TAF4B: variants seen among roughly 807,000 people sequenced by gnomAD.
TAF4B encodes the protein transcription initiation factor TFIID subunit 4B.
In TAF4B, 38 loss-of-function variants were observed where a neutral mutation model predicts 86.4. The observed-to-expected ratio is 0.44, with a 90% CI of 0.34 to 0.58. The LOEUF is 0.58. TAF4B is among the 20% of genes least tolerant of loss of function. The pLI is 0.02. For missense variants in TAF4B, 988 were observed against 1,027.6 expected, an observed-to-expected ratio of 0.96 and a Z score of 0.53; for synonymous variants, 388 against 391.2, an observed-to-expected ratio of 0.99 and a Z score of 0.10.
At position 26,285,979 on chromosome 18, in the gene TAF4B, G is replaced by T; in HGVS notation, c.1070G>T (p.Cys357Phe). 6.2e-7 allele frequency: 1 copy of T among 1,614,214 alleles called. No homozygotes were observed. The highest frequency in any genetic ancestry group is 1.3e-5 in the African/African-American group (1 of 75,054). The change falls in exon 7 of 15, where the codon TGT becomes TTT. Residue 357 changes from cysteine to phenylalanine, a missense_variant. By Grantham distance (205) the Cys-to-Phe change is radical. Coordinates refer to ENST00000269142, the MANE Select transcript of TAF4B (RefSeq NM_005640.3). ...QTSSDMVIAT[C>F]TTTVTTSPVV... ...TCTAGTGACATGGTCATTGCTACCT[G>T]TACTACAACAGTAACAACTTCTCCT...
chr18:26,326,625 CTTATA>C (rs2057007077), intron 11 of TAF4B, among the ~76,000 whole-genome samples: 1 of 152,104 alleles, frequency 6.6e-6, no homozygotes, highest in South Asian at 2.1e-4. Flanking sequence ...GATTTAATTA[CTTATA>C]TTAATGTCTG....
chr18:26,370,145 AAAAGG>A (rs569257304), intron 14 of TAF4B, among the ~76,000 whole-genome samples: 72 of 151,886 alleles, frequency 4.7e-4, no homozygotes, highest in African/African-American at 1.7e-3. Context: ...AGAACTTAAG[AAAAGG>A]GCTGTAAATT....
At chr18:26,325,989 A>AG (rs1340591065) in intron 11 of TAF4B, among the ~76,000 whole-genome samples, 3 of 152,228 alleles carry the variant, frequency 2.0e-5, no homozygotes, top group Non-Finnish European at 4.4e-5. Context: ...AACCATAAGC[A>AG]GGGGGATAAA....
chr18:26,374,435 A>G (rs372890747), intron 14 of TAF4B, among the ~76,000 whole-genome samples: 29 of 152,258 alleles, frequency 1.9e-4, no homozygotes, highest in Middle Eastern at 3.4e-3. Context: ...TTATTCCATA[A>G]TGTTGTACCT....
At chr18:26,382,939 A>G in intron 14 of TAF4B, among the ~76,000 whole-genome samples, 1 of 152,202 alleles carries the variant, frequency 6.6e-6, no homozygotes, top group East Asian at 1.9e-4. Flanking sequence ...GGCACTGGGG[A>G]CACTTGATAT....
chr18:26,257,322 CCTT>C (rs2056099115), intron 1 of TAF4B, among the ~76,000 whole-genome samples: 1 of 151,916 alleles, frequency 6.6e-6, no homozygotes, highest in Admixed American at 6.6e-5. Context: ...TACAAAATGC[CCTT>C]CTTTATCTCT....
intron 14 of TAF4B, among the ~76,000 whole-genome samples, chr18:26,361,192 G>A (rs925762491): frequency 5.3e-5 from 8 of 151,650 alleles, no homozygotes; most frequent in African/African-American, 1.9e-4. Flanking sequence ...TTCTATACCC[G>A]GTAAACAATT....
chr18:26,244,226 C>A (rs1281924142), intron 1 of TAF4B, among the ~76,000 whole-genome samples: 1 of 152,198 alleles, frequency 6.6e-6, no homozygotes, highest in African/African-American at 2.4e-5. Context: ...GGGCTCCACC[C>A]AGTTCAAGCT....
intron 3 of TAF4B, among the ~76,000 whole-genome samples, chr18:26,271,595 G>A (rs573193319): frequency 3.3e-5 from 5 of 152,260 alleles, no homozygotes; most frequent in African/African-American, 1.2e-4. Flanking sequence ...CCATTGGCTG[G>A]TCTGTTGAGT....
intron 5 of TAF4B, among the ~76,000 whole-genome samples, chr18:26,276,015 CAA>C (rs374826135): frequency 1.1e-4 from 8 of 75,918 alleles, no homozygotes; most frequent in Non-Finnish European, 1.9e-4. Context: ...GACTCTGTCT[CAA>C]AAAAAAAAAA....
intron 11 of TAF4B, among the ~76,000 whole-genome samples, chr18:26,323,057 G>A (rs2056975587): frequency 6.6e-6 from 1 of 151,980 alleles, no homozygotes; most frequent in African/African-American, 2.4e-5. Context: ...TCCTTTTGTT[G>A]TTGGTTTCTA....
intron 1 of TAF4B, among the ~76,000 whole-genome samples, chr18:26,250,924 G>A (rs1415682617): frequency 1.3e-5 from 2 of 152,086 alleles, no homozygotes; most frequent in Admixed American, 6.6e-5. Flanking sequence ...AGCACGACCT[G>A]GGATATAAAC....
chr18:26,247,206 G>A (rs1422496876), intron 1 of TAF4B, among the ~76,000 whole-genome samples: 3 of 152,102 alleles, frequency 2.0e-5, no homozygotes, highest in Non-Finnish European at 2.9e-5. Context: ...TCTAAAATAC[G>A]GTTAATACCT....
At chr18:26,247,410 A>T (rs1568102420) in intron 1 of TAF4B, among the ~76,000 whole-genome samples, 1 of 152,198 alleles carries the variant, frequency 6.6e-6, no homozygotes, top group Non-Finnish European at 1.5e-5. Flanking sequence ...GGACCCTCCA[A>T]ATTCTCAGCC....
intron 14 of TAF4B, among the ~76,000 whole-genome samples, chr18:26,363,323 G>A (rs1311691058): frequency 7.9e-6 from 1 of 126,242 alleles, no homozygotes; most frequent in African/African-American, 3.1e-5. Context: ...TGTAATCCCA[G>A]CATTTTGAGA....
At chr18:26,363,419 G>C (rs1025111555) in intron 14 of TAF4B, among the ~76,000 whole-genome samples, 4 of 144,730 alleles carry the variant, frequency 2.8e-5, no homozygotes, top group South Asian at 2.2e-4. Context: ...GGTGGTGTGC[G>C]CCTGTAGTTC....
Position 26,226,551 on chromosome 18 carries a change from G to A in TAF4B, c.-383G>A, listed in dbSNP as rs1281252169. On this transcript the variant is annotated 5_prime_UTR_variant, in exon 1 of 15. Coordinates refer to ENST00000269142, the MANE Select transcript of TAF4B (RefSeq NM_005640.3). Reference sequence around the variant, plus strand: ...CGTAGTTTTGAAATTTCTGGCGGGGGAGCAGCTGCGCAGTTAGGCTCGAGG... The same window carrying A: ...CGTAGTTTTGAAATTTCTGGCGGGGAAGCAGCTGCGCAGTTAGGCTCGAGG... 5.8e-6 allele frequency: 1 copy of A among 172,066 alleles called. No individual in the cohort carries two copies. The highest frequency in any genetic ancestry group is 2.4e-5 in the African/African-American group (1 of 42,334). 10.7% of individuals were successfully genotyped at this position (172,066 alleles called of 1,614,324 possible).
In TAF4B at chr18:26,284,838, C is replaced by T. The variant is rs2056490872; in HGVS notation, c.973-1044C>T. The stretch of plus-strand genomic sequence containing the variant: ...GAGCCGAGATCACGCCACTGCACTC[C>T]AGCCTGGGCAACAGAGTGAGACTCC... On this transcript the variant is annotated intron_variant, in intron 6 of 14. Transcript: ENST00000269142. 1.3e-5 allele frequency among the ~76,000 whole-genome samples: 2 copies of T among 152,142 alleles called. 1 individual carries two copies. The highest frequency in any genetic ancestry group is 4.1e-4 in the South Asian group (2 of 4,822).
In TAF4B at chr18:26,376,226, CAA is replaced by C. The variant is rs200383120; in HGVS notation, c.2422-13606_2422-13605del. Among the ~76,000 whole-genome samples, 120 of 125,060 alleles carry C rather than the reference CAA, an allele frequency of 9.6e-4. 1 individual carries two copies. The highest frequency in any genetic ancestry group is 2.4e-3 in the African/African-American group (83 of 35,242). 82.0% of individuals were successfully genotyped at this position (125,060 alleles called of 152,430 possible). On this transcript the variant is annotated intron_variant, in intron 14 of 14. Coordinates refer to ENST00000269142, the MANE Select transcript of TAF4B (RefSeq NM_005640.3). Reference sequence around the variant, plus strand: ...TTAGGATCAGCTTGTTAATTTCAACCAAAAAAAAAAAAAAGGTAGACAGTATT... The same window carrying C: ...TTAGGATCAGCTTGTTAATTTCAACCAAAAAAAAAAAAGGTAGACAGTATT...
Sources: gnomAD v4.1 joint callset for allele counts (sites outside exome capture counted in the v4.1 genomes callset) on GRCh38, gnomAD v4.1.1 for gene constraint, MANE v1.5 for transcripts, NCBI Gene and HGNC (gene_info 2026-07-23, HGNC 2026-07-21) for gene names.